Variants in MTOR observed in about 807,000 individuals in gnomAD.
The protein encoded by MTOR is serine/threonine-protein kinase mTOR.
MTOR carries 70 observed loss-of-function variants against 319.8 expected under a neutral mutation model. The observed-to-expected ratio is 0.22, with a 90% CI of 0.18 to 0.27. The LOEUF is 0.27. MTOR is among the 10% of genes least tolerant of loss of function. The probability of loss-of-function intolerance (pLI) is 1.00; values close to 1 mark genes in which losing one functional copy is unlikely to be tolerated. For synonymous variants in MTOR, 1,183 were observed against 1,211.4 expected (o/e 0.98, Z 0.49); for missense variants, 1,890 against 3,274.4 (o/e 0.58, Z 10.32).
Position 11,128,149 on chromosome 1 carries a change from A to AT in MTOR, c.5911-24dup. The AT allele has an allele frequency of 6.2e-7, 1 of 1,612,882 alleles. No individual in the cohort carries two copies. Among genetic ancestry groups the AT allele is most frequent in the African/African-American group, 1.3e-5 (1 of 74,980 alleles). On this transcript the variant is annotated intron_variant, in intron 42 of 57. Transcript: ENST00000361445. This position sits in a 1 kb window ranked among gnomAD's most constrained non-coding sequence, Gnocchi z 5.3. ...GGCCTGAGGGAAAAACAGAAGAAAC[A>AT]TCTATAAAGGAAATGTGGGTTGGGG...
Position 11,114,665 on chromosome 1 carries a change from T to C in MTOR, c.7164+148A>G, listed in dbSNP as rs1642070389. On this transcript the variant is annotated intron_variant, in intron 52 of 57. Coordinates refer to ENST00000361445, the MANE Select transcript of MTOR (RefSeq NM_004958.4). ...TGGTAAGCCTTTCATAGATAGGTCA[T>C]TTCTAACACAATAGGAAATAACAGA... 1.3e-5 allele frequency: 13 copies of C among 1,022,598 alleles called. No homozygotes were observed. In the East Asian group the frequency reaches 3.3e-4, roughly 26 times the overall value. The allele number at this position is 1,022,598 out of a possible 1,614,324, so 63.3% of individuals were successfully genotyped here. A position where few individuals can be genotyped will look rare whatever the true frequency, so the allele number is the denominator to read the frequency against.
chr1:11,255,284 G>A (rs559944178), intron 5 of MTOR, among the ~76,000 whole-genome samples: 4 of 148,816 alleles, frequency 2.7e-5, no homozygotes, highest in South Asian at 2.1e-4. Flanking sequence ...TCGGGAGGCT[G>A]AGGCAGGAGA....
At chr1:11,111,868 GGT>G (rs1641899042) in intron 54 of MTOR, 2 of 152,002 alleles carry the variant, frequency 1.3e-5, no homozygotes, top group South Asian at 4.1e-4. Flanking sequence ...AACTATGTAG[GGT>G]GTTGCTAAAT....
rs772863450 is a variant in MTOR, at chr1:11,145,332, C to T, written c.4687-287G>A. On this transcript the variant is annotated intron_variant, in intron 32 of 57. Coordinates refer to ENST00000361445, the MANE Select transcript of MTOR (RefSeq NM_004958.4). Reference sequence around the variant, plus strand: ...GGCATGGGAATGTGGGCTGTAAAACCGAATCATGGGTTCTTGCATCTCAAG... The same window carrying T: ...GGCATGGGAATGTGGGCTGTAAAACTGAATCATGGGTTCTTGCATCTCAAG... 20 of 418,132 alleles carry T rather than the reference C, an allele frequency of 4.8e-5. No individual in the cohort carries two copies. In the East Asian group the frequency reaches 6.6e-4, roughly 14 times the overall value. 25.9% of individuals were successfully genotyped at this position (418,132 alleles called of 1,614,324 possible).
intron 6 of MTOR, among the ~76,000 whole-genome samples, chr1:11,249,597 G>GA (rs1649332459): frequency 7.1e-6 from 1 of 140,084 alleles, no homozygotes; most frequent in Non-Finnish European, 1.6e-5. Context: ...CTGGGTACTT[G>GA]AGATTAGGGA....
At chr1:11,162,434 A>T (rs144516327) in intron 29 of MTOR, among the ~76,000 whole-genome samples, 14,733 of 152,164 alleles carry the variant, frequency 0.097, 1,205 homozygotes, top group African/African-American at 0.2. Context: ...ATACAGAGAA[A>T]GCCACAAAGA....
At chr1:11,135,298 GAAA>G (rs548505677) in intron 36 of MTOR, among the ~76,000 whole-genome samples, 1 of 148,400 alleles carries the variant, frequency 6.7e-6, no homozygotes, top group South Asian at 2.1e-4. Context: ...CCCACAAATA[GAAA>G]AAAAAATAAT....
chr1:11,121,888 T>G lies in MTOR; in HGVS notation c.6810+91A>C. 1.3e-6 allele frequency: 2 copies of G among 1,498,232 alleles called. No homozygotes were observed. Among genetic ancestry groups the G allele is most frequent in the Non-Finnish European group, 1.8e-6 (2 of 1,106,838 alleles). The allele number at this position is 1,498,232 out of a possible 1,614,324, so 92.8% of individuals were successfully genotyped here. ...TGATTCTCTCAAAGAGATTTTTCAG[T>G]GACAGACATACAGAGAGGAATGAGA... On this transcript the variant is annotated intron_variant, in intron 48 of 57. Transcript: ENST00000361445. This position sits in a 1 kb window ranked among gnomAD's most constrained non-coding sequence, Gnocchi z 4.9.
In MTOR at chr1:11,109,109, C is replaced by T. The variant is rs1454043861; in HGVS notation, c.7528+181G>A. Among the ~76,000 whole-genome samples, 1 of 152,232 alleles carries T rather than the reference C, an allele frequency of 6.6e-6. No individual in the cohort carries two copies. The highest frequency in any genetic ancestry group is 1.9e-4 in the East Asian group (1 of 5,204). Reference sequence around the variant, plus strand: ...TTAAACTAACATTAAGTACTGTTATCAGTCATCAGAAAGAAGAATCAGAGA... The same window carrying T: ...TTAAACTAACATTAAGTACTGTTATTAGTCATCAGAAAGAAGAATCAGAGA... On this transcript the variant is annotated intron_variant, in intron 56 of 57. Transcript: ENST00000361445. This position sits in a 1 kb window ranked among gnomAD's most constrained non-coding sequence, Gnocchi z 4.0.
At chr1:11,148,829 C>T (rs1355000549) in intron 31 of MTOR, among the ~76,000 whole-genome samples, 6 of 151,550 alleles carry the variant, frequency 4.0e-5, no homozygotes, top group African/African-American at 9.7e-5. Context: ...ACCCGGGAGG[C>T]GGAGGTTGCA....
intron 18 of MTOR, among the ~76,000 whole-genome samples, chr1:11,229,662 A>C (rs1646955281): frequency 6.6e-6 from 1 of 152,216 alleles, no homozygotes; most frequent in Admixed American, 6.5e-5. Context: ...TTTTGGGGTA[A>C]TAATATTTTC....
chr1:11,233,361 C>T (rs756114445), intron 15 of MTOR, 37 bp downstream of exon 15: 5 of 1,577,404 alleles, frequency 3.2e-6, no homozygotes, highest in African/African-American at 2.7e-5. Context: ...TCTTTTCCAC[C>T]CTATCTCCGC....
At chr1:11,131,117 G>A in intron 38 of MTOR, 1 of 322,448 alleles carries the variant, frequency 3.1e-6, no homozygotes, top group Non-Finnish European at 5.8e-6. Flanking sequence ...CACAATGGGA[G>A]TAGCAAGGAC....
chr1:11,165,449 AACAG>A (rs1644613014), intron 29 of MTOR, among the ~76,000 whole-genome samples: 3 of 152,064 alleles, frequency 2.0e-5, no homozygotes, highest in South Asian at 4.1e-4. Flanking sequence ...ATACACCAAT[AACAG>A]ACAAACAGAG....
In MTOR at chr1:11,199,347, G is replaced by A. The variant is rs747404142; in HGVS notation, c.4164C>T (p.Ala1388=). The part of the protein sequence containing the change: ...NGIVLLGERA[A]KCRAYAKALH... ...GTGCTTTGGCATATGCTCGGCACTT[G>A]GCAGCTCTCTCACCCAGCAGAACAA... The change falls in exon 28 of 58, where the codon GCC becomes GCT. Residue 1388 remains alanine (A), a synonymous_variant. Coordinates refer to ENST00000361445, the MANE Select transcript of MTOR (RefSeq NM_004958.4). This position sits in a 1 kb window ranked among gnomAD's most constrained non-coding sequence, Gnocchi z 4.5. 80 of 1,614,176 alleles carry A rather than the reference G, an allele frequency of 5.0e-5. No individual in the cohort carries two copies. Among genetic ancestry groups the A allele is most frequent in the South Asian group, 3.2e-4 (29 of 91,076 alleles).
chr1:11,178,957 C>T (rs1287924844), intron 28 of MTOR, among the ~76,000 whole-genome samples: 1 of 152,144 alleles, frequency 6.6e-6, no homozygotes, highest in Non-Finnish European at 1.5e-5. Context: ...GTGAGCTGGT[C>T]TTCCACTCTA....
intron 34 of MTOR, among the ~76,000 whole-genome samples, chr1:11,141,953 A>G (rs2100492216): frequency 6.6e-6 from 1 of 151,760 alleles, no homozygotes; most frequent in South Asian, 2.1e-4. Flanking sequence ...GTAAGCCGAG[A>G]TCGTGCCACT....
In MTOR at chr1:11,232,426, T is replaced by C; in HGVS notation, c.2514+10A>G. On this transcript the variant is annotated intron_variant, in intron 16 of 57. Transcript: ENST00000361445. ...TCTGTCTTGCTCAATCAGGAAGCAGTAATACTCACCTGCCTTTTGGCCAAC... is the reference window on the plus strand; with the variant it reads ...TCTGTCTTGCTCAATCAGGAAGCAGCAATACTCACCTGCCTTTTGGCCAAC... 6.2e-7 allele frequency: 1 copy of C among 1,606,966 alleles called. No individual in the cohort carries two copies. The highest frequency in any genetic ancestry group is 1.7e-4 in the Middle Eastern group (1 of 6,046).
chr1:11,128,237 G>C lies in MTOR; in HGVS notation c.5911-111C>G. 6.9e-7 allele frequency: 1 copy of C among 1,454,202 alleles called. No homozygotes were observed. Among genetic ancestry groups the C allele is most frequent in the Admixed American group, 1.9e-5 (1 of 52,386 alleles). The allele number at this position is 1,454,202 out of a possible 1,614,324, so 90.1% of individuals were successfully genotyped here. On this transcript the variant is annotated intron_variant, in intron 42 of 57. Transcript: ENST00000361445. This position sits in a 1 kb window ranked among gnomAD's most constrained non-coding sequence, Gnocchi z 5.3. ...AGTGGTGAGTGTGACATTAACATCT[G>C]CTTGAGACTACCAGGAAGGGGCTCA...
Sources: allele counts gnomAD v4.1 joint callset (sites outside exome capture counted in the v4.1 genomes callset), GRCh38; gene constraint gnomAD v4.1.1; non-coding constraint Gnocchi (gnomAD v3.1); transcripts MANE v1.5; gene names NCBI Gene and HGNC (gene_info 2026-07-23, HGNC 2026-07-21).